The following EGFR variants were observed in gnomAD, a reference collection of about 807,000 sequenced individuals.
The protein encoded by EGFR is epidermal growth factor receptor.
Under a neutral mutation model 143.0 loss-of-function variants are expected in EGFR, and 58 were observed. The ratio of observed to expected loss-of-function variants is 0.41; its 90% CI spans 0.33 to 0.50. The LOEUF is 0.50. Among genes scored for constraint, EGFR ranks in the 20% least tolerant of loss-of-function variants. The pLI is 0.39. For synonymous variants in EGFR, 613 were observed against 594.4 expected, an observed-to-expected ratio of 1.03 and a Z score of -0.45; for missense variants, 1,307 against 1,579.0, an observed-to-expected ratio of 0.83 and a Z score of 2.92.
chr7:55,132,162 T>C (rs769420297), intron 1 of EGFR, among the ~76,000 whole-genome samples: 116 of 152,156 alleles, frequency 7.6e-4, no homozygotes, highest in Non-Finnish European at 1.4e-3. Flanking sequence ...TTAAAAAACA[T>C]GGGTAAAAAT....
intron 1 of EGFR, among the ~76,000 whole-genome samples, chr7:55,086,160 A>G (rs1184780272): frequency 6.6e-6 from 1 of 152,164 alleles, no homozygotes; most frequent in Non-Finnish European, 1.5e-5. Flanking sequence ...CCTCCATGTT[A>G]CTGCCGAGGA....
chr7:55,179,635 G>A (rs1786766809), intron 19 of EGFR: 1 of 152,264 alleles, frequency 6.6e-6, no homozygotes, highest in Non-Finnish European at 1.5e-5. Flanking sequence ...TTTAGGGCAA[G>A]GAAAGCGTGT....
intron 1 of EGFR, among the ~76,000 whole-genome samples, chr7:55,093,333 G>A (rs1791241668): frequency 6.6e-6 from 1 of 152,154 alleles, no homozygotes; most frequent in African/African-American, 2.4e-5. Flanking sequence ...TTTTAAAAAT[G>A]GAATTGCTTT....
intron 19 of EGFR, among the ~76,000 whole-genome samples, chr7:55,177,303 G>A (rs1006879774): frequency 5.9e-5 from 9 of 152,172 alleles, no homozygotes; most frequent in Non-Finnish European, 1.3e-4. Flanking sequence ...AAAGCCAGCA[G>A]TGCCCAGGCC....
intron 4 of EGFR, among the ~76,000 whole-genome samples, chr7:55,148,188 A>G (rs1300586985): frequency 6.6e-6 from 1 of 152,190 alleles, no homozygotes; most frequent in Non-Finnish European, 1.5e-5. Flanking sequence ...TTTATTTTAC[A>G]TTGCAAAATT....
chr7:55,076,441 A>T (rs1790135416), intron 1 of EGFR, among the ~76,000 whole-genome samples: 1 of 152,210 alleles, frequency 6.6e-6, no homozygotes, highest in Non-Finnish European at 1.5e-5. Context: ...ACTGTTAGGC[A>T]TATTAACTTT....
At position 55,207,801 on chromosome 7, in the gene EGFR, A is replaced by G. The variant is rs1788145936; in HGVS notation, c.*2184A>G. On this transcript the variant is annotated 3_prime_UTR_variant, in exon 28 of 28. Transcript: ENST00000275493. ...GCAGCCCCCAGGGGGATTTTGAGCT[A>G]TCATCTCTGCACATGCTTAGTGAGA... The G allele has an allele frequency of 1.3e-5, 2 of 152,256 alleles. No homozygotes were observed. Among genetic ancestry groups the G allele is most frequent in the Non-Finnish European group, 2.9e-5 (2 of 68,060 alleles). 9.4% of individuals were successfully genotyped at this position (152,256 alleles called of 1,614,324 possible). A position where few individuals can be genotyped will look rare whatever the true frequency, so the allele number is the denominator to read the frequency against.
At chr7:55,031,328 C>G (rs916756331) in intron 1 of EGFR, among the ~76,000 whole-genome samples, 2 of 152,232 alleles carry the variant, frequency 1.3e-5, no homozygotes, top group Non-Finnish European at 1.5e-5. Flanking sequence ...GCAAAGGTTA[C>G]TTGGGCAAAA....
chr7:55,200,095 G>A (rs919885557), intron 23 of EGFR, among the ~76,000 whole-genome samples: 5 of 152,134 alleles, frequency 3.3e-5, no homozygotes, highest in African/African-American at 1.2e-4. Flanking sequence ...AAACTAGAGG[G>A]CATTATTGTT....
intron 1 of EGFR, among the ~76,000 whole-genome samples, chr7:55,067,124 G>A (rs115862488): frequency 0.01 from 1,569 of 152,286 alleles, 34 homozygotes; most frequent in African/African-American, 0.036. Context: ...GAGGTAGGGC[G>A]CAGTTTCAGA....
At chr7:55,035,062 C>A (rs188866940) in intron 1 of EGFR, among the ~76,000 whole-genome samples, 1 of 152,130 alleles carries the variant, frequency 6.6e-6, no homozygotes, top group Non-Finnish European at 1.5e-5. Flanking sequence ...AACCTGGAAA[C>A]TATGAAGGGA....
At chr7:55,139,671 G>A (rs1360634307) in intron 1 of EGFR, among the ~76,000 whole-genome samples, 1 of 152,146 alleles carries the variant, frequency 6.6e-6, no homozygotes, top group Non-Finnish European at 1.5e-5. Context: ...TAGACATGTT[G>A]GGTAATTGGG....
intron 8 of EGFR, 57 bp downstream of exon 8, chr7:55,156,003 C>T (rs1785400296): frequency 1.2e-5 from 14 of 1,167,020 alleles, no homozygotes; most frequent in Non-Finnish European, 1.8e-5. Flanking sequence ...AGGCTGGGCT[C>T]TCATGCCACC....
rs534023872 is a variant in EGFR at position 55,089,755 on chromosome 7, C to T, written c.89-52531C>T. ...TGATCCAAAAGTCAGACCCACCTCT[C>T]ACCTTTCCCTAACCTGCCGGAGCCC... On this transcript the variant is annotated intron_variant, in intron 1 of 27. Coordinates refer to ENST00000275493, the MANE Select transcript of EGFR (RefSeq NM_005228.5). Among the ~76,000 whole-genome samples the T allele has an allele frequency of 2.6e-5, 4 of 152,148 alleles. No homozygotes were observed. The South Asian group carries it at 8.3e-4, about 32-fold the overall frequency.
intron 22 of EGFR, among the ~76,000 whole-genome samples, chr7:55,195,235 T>A (rs1302743571): frequency 6.6e-6 from 1 of 152,232 alleles, no homozygotes; most frequent in Non-Finnish European, 1.5e-5. Context: ...AAGAATCTAT[T>A]TTCTTGCCCC....
rs189163837 is a variant in EGFR at position 55,054,249 on chromosome 7, C to A, written c.88+34884C>A. 7.1e-3 allele frequency among the ~76,000 whole-genome samples: 1,075 copies of A among 152,330 alleles called. 11 individuals are homozygous for A. Among genetic ancestry groups the A allele is most frequent in the African/African-American group, 0.024 (1,014 of 41,574 alleles). The stretch of plus-strand genomic sequence containing the variant: ...CTGACTGTCATGCCCAGTGTCTCAG[C>A]CTATCATTCTACCTCTAACTCGACC... On this transcript the variant is annotated intron_variant, in intron 1 of 27. Coordinates refer to ENST00000275493, the MANE Select transcript of EGFR (RefSeq NM_005228.5).
At chr7:55,158,859 T>G (rs1195354278) in intron 11 of EGFR, among the ~76,000 whole-genome samples, 2 of 152,078 alleles carry the variant, frequency 1.3e-5, no homozygotes. Flanking sequence ...GGTTACAGGC[T>G]CCTATGCGAG....
intron 1 of EGFR, among the ~76,000 whole-genome samples, chr7:55,026,863 A>C (rs1416031740): frequency 6.6e-6 from 1 of 151,458 alleles, no homozygotes; most frequent in Non-Finnish European, 1.5e-5. Context: ...CCTCTCTTTA[A>C]CTGCCAAAAA....
At chr7:55,134,083 G>A (rs13247687) in intron 1 of EGFR, among the ~76,000 whole-genome samples, 63,559 of 152,046 alleles carry the variant, frequency 0.42, 14,206 homozygotes, top group East Asian at 0.68. Flanking sequence ...ATTTTGAATC[G>A]AAGCCAGCAT....
Sources: allele counts gnomAD v4.1 joint callset (sites outside exome capture counted in the v4.1 genomes callset), GRCh38; gene constraint gnomAD v4.1.1; transcripts MANE v1.5; gene names NCBI Gene and HGNC (gene_info 2026-07-23, HGNC 2026-07-21).